ADGRL2: variants seen among roughly 807,000 people sequenced by gnomAD.
The protein encoded by ADGRL2 is adhesion G protein-coupled receptor L2.
A neutral mutation model predicts 157.4 loss-of-function variants in ADGRL2; 44 were observed. That is an observed-to-expected ratio of 0.28 (90% CI 0.22 to 0.36). ADGRL2 has a LOEUF of 0.36. Among genes scored for constraint, ADGRL2 ranks in the 10% least tolerant of loss-of-function variants. The pLI is 1.00. For missense variants in ADGRL2, 1,510 were observed against 1,768.9 expected (o/e 0.85, Z 2.63); for synonymous variants, 585 against 624.7 (o/e 0.94, Z 0.95).
chr1:81,352,205 G>T (rs1662949195), intron 1 of ADGRL2, among the ~76,000 whole-genome samples: 1 of 152,228 alleles, frequency 6.6e-6, no homozygotes, highest in South Asian at 2.1e-4. Flanking sequence ...TTAAAGAGTT[G>T]AGGGTGACAG....
At position 81,511,209 on chromosome 1, in the gene ADGRL2, C is replaced by T. The variant is rs533591996; in HGVS notation, c.-248+66120C>T. Among the ~76,000 whole-genome samples, 11 of 151,818 alleles carry T rather than the reference C, an allele frequency of 7.2e-5. No homozygotes were observed. In the East Asian group the frequency reaches 7.7e-4, roughly 11 times the overall value. The stretch of plus-strand genomic sequence containing the variant: ...ACACAGAACAAAATCCTTCTAAAAC[C>T]GGTACCTTGGAGGATGTTGTCTTTC... On this transcript the variant is annotated intron_variant, in intron 2 of 24. Transcript: ENST00000370721.
At chr1:81,582,818 A>G (rs1311016612) in intron 3 of ADGRL2, among the ~76,000 whole-genome samples, 1 of 152,098 alleles carries the variant, frequency 6.6e-6, no homozygotes, top group East Asian at 1.9e-4. Context: ...GCTTTCAAAG[A>G]CACATTGCCT....
chr1:81,942,520 T>C (rs756574191), intron 5 of ADGRL2, among the ~76,000 whole-genome samples: 5 of 151,914 alleles, frequency 3.3e-5, no homozygotes, highest in Non-Finnish European at 7.4e-5. Flanking sequence ...TCTAAATAAG[T>C]CTTCACATTC....
At chr1:81,937,350 A>G (rs1429554949) in intron 4 of ADGRL2, among the ~76,000 whole-genome samples, 1 of 151,786 alleles carries the variant, frequency 6.6e-6, no homozygotes, top group Non-Finnish European at 1.5e-5. Context: ...TGAAACCTTA[A>G]TGCTAAATAA....
chr1:81,389,889 G>C (rs765805891), intron 1 of ADGRL2, among the ~76,000 whole-genome samples: 1 of 152,068 alleles, frequency 6.6e-6, no homozygotes, highest in Non-Finnish European at 1.5e-5. Flanking sequence ...AAAAGAAAGA[G>C]AGAAAGAAGC....
At chr1:81,700,295 C>A (rs2083535910) in intron 1 of ADGRL2, among the ~76,000 whole-genome samples, 1 of 152,156 alleles carries the variant, frequency 6.6e-6, no homozygotes, top group African/African-American at 2.4e-5. Context: ...TTGAGGAAAG[C>A]CTTCTGTCCT....
At chr1:81,643,161 G>A (rs2148811417) in intron 3 of ADGRL2, among the ~76,000 whole-genome samples, 1 of 152,268 alleles carries the variant, frequency 6.6e-6, no homozygotes, top group South Asian at 2.1e-4. Flanking sequence ...TTGATGACAT[G>A]GTAGTCTATG....
intron 1 of ADGRL2, among the ~76,000 whole-genome samples, chr1:81,701,876 C>T (rs191985568): frequency 2.0e-5 from 3 of 152,324 alleles, no homozygotes; most frequent in Admixed American, 6.5e-5. Context: ...AAGGAACCTA[C>T]GTCAGTTCCC....
At chr1:81,651,657 G>A (rs1385682616) in intron 3 of ADGRL2, among the ~76,000 whole-genome samples, 1 of 152,010 alleles carries the variant, frequency 6.6e-6, no homozygotes, top group East Asian at 1.9e-4. Context: ...TTATACTTTG[G>A]CATCAATTCA....
chr1:81,446,252 G>A (rs2077595075), intron 2 of ADGRL2, among the ~76,000 whole-genome samples: 1 of 152,120 alleles, frequency 6.6e-6, no homozygotes, highest in African/African-American at 2.4e-5. Flanking sequence ...CGTAGTTGGA[G>A]AATCAATTAC....
At chr1:81,322,298 T>C (rs558244055) in intron 1 of ADGRL2, among the ~76,000 whole-genome samples, 1 of 151,786 alleles carries the variant, frequency 6.6e-6, no homozygotes, top group Admixed American at 6.6e-5. Flanking sequence ...TTTTTGTACA[T>C]TGAATGTGAT....
intron 1 of ADGRL2, among the ~76,000 whole-genome samples, chr1:81,705,039 T>G (rs915255675): frequency 3.0e-4 from 46 of 152,172 alleles, no homozygotes; most frequent in Non-Finnish European, 5.1e-4. Flanking sequence ...TGTTGTTGTT[T>G]TCTTTTAATT....
chr1:81,487,184 C>T (rs1333612425), intron 2 of ADGRL2, among the ~76,000 whole-genome samples: 1 of 151,392 alleles, frequency 6.6e-6, no homozygotes, highest in Admixed American at 6.6e-5. Flanking sequence ...GGGAGGATTG[C>T]TTAAGCCCAG....
chr1:81,340,185 ATGAAAGTAATTTAAAGATAGCAT>A (rs1465993457), intron 1 of ADGRL2, among the ~76,000 whole-genome samples: 2 of 152,234 alleles, frequency 1.3e-5, no homozygotes, highest in African/African-American at 2.4e-5. Flanking sequence ...TCATTTTATA[ATGAAAGTAATTTAAAGATAGCAT>A]AAACAAACAG....
chr1:81,903,375 CTT>C (rs2094523323), intron 2 of ADGRL2, among the ~76,000 whole-genome samples: 1 of 152,080 alleles, frequency 6.6e-6, no homozygotes, highest in Middle Eastern at 3.2e-3. Context: ...TGTATGAAGA[CTT>C]ATAAAATAAA....
chr1:81,616,679 C>CTTTTCTTT (rs1491482868), intron 3 of ADGRL2, among the ~76,000 whole-genome samples: 13 of 105,964 alleles, frequency 1.2e-4, no homozygotes, highest in East Asian at 5.6e-4. Flanking sequence ...CTTTTCTTTT[C>CTTTTCTTT]TTTTTTTTTT....
intron 1 of ADGRL2, among the ~76,000 whole-genome samples, chr1:81,360,347 C>CA (rs537253110): frequency 1.6e-3 from 241 of 151,868 alleles, no homozygotes; most frequent in African/African-American, 5.5e-3. Flanking sequence ...TTCCCAGCCA[C>CA]AAAAATAAAG....
intron 1 of ADGRL2, chr1:81,426,659 C>T: frequency 4.3e-6 from 2 of 467,810 alleles, no homozygotes; most frequent in Non-Finnish European, 8.3e-6. Context: ...GGTAATGAGA[C>T]ACCCCCAAAG....
chr1:81,671,006 G>T (rs2082864000), intron 3 of ADGRL2, among the ~76,000 whole-genome samples: 1 of 152,158 alleles, frequency 6.6e-6, no homozygotes, highest in Non-Finnish European at 1.5e-5. Flanking sequence ...CGTCACACCT[G>T]GCCTCACAGA....
Sources: gnomAD v4.1 joint callset for allele counts (sites outside exome capture counted in the v4.1 genomes callset) on GRCh38, gnomAD v4.1.1 for gene constraint, MANE v1.5 for transcripts, NCBI Gene and HGNC (gene_info 2026-07-23, HGNC 2026-07-21) for gene names.